PITPNM2: variants seen among roughly 807,000 people sequenced by gnomAD.
PITPNM2 encodes phosphatidylinositol transfer protein membrane associated 2.
PITPNM2 carries 35 observed loss-of-function variants against 132.2 expected under a neutral mutation model. The ratio of observed to expected loss-of-function variants is 0.26; its 90% CI spans 0.20 to 0.35. The LOEUF (loss-of-function observed/expected upper bound fraction) is 0.35. Among genes scored for constraint, PITPNM2 ranks in the 10% least tolerant of loss-of-function variants. The pLI, the probability that PITPNM2 is intolerant of heterozygous loss-of-function variation, is 1.00. For synonymous variants in PITPNM2, 738 were observed against 799.2 expected (o/e 0.92, Z 1.29); for missense variants, 1,332 against 1,912.0 (o/e 0.70, Z 5.66).
intron 2 of PITPNM2, among the ~76,000 whole-genome samples, chr12:123,061,907 G>C (rs1345531207): frequency 2.6e-5 from 4 of 152,184 alleles, no homozygotes; most frequent in Non-Finnish European, 4.4e-5. Flanking sequence ...CTGGCTGCTG[G>C]GAAGAGATGG....
chr12:123,013,184 C>T (rs2039281827), intron 4 of PITPNM2, among the ~76,000 whole-genome samples: 1 of 152,204 alleles, frequency 6.6e-6, no homozygotes, highest in African/African-American at 2.4e-5. Flanking sequence ...GAGGAAAAAG[C>T]TCCGTGGATC....
intron 1 of PITPNM2, among the ~76,000 whole-genome samples, chr12:123,112,322 G>A (rs532611028): frequency 1.3e-5 from 2 of 152,180 alleles, no homozygotes; most frequent in Admixed American, 6.5e-5. Context: ...ATGGTAAACA[G>A]TGAATCTGTC....
Position 123,004,706 on chromosome 12 carries a change from C to A in PITPNM2, c.953-217G>T. ...TCCGCCTGGCACAAGGCAGTCATGT[C>A]CCGGGGAGCATGGGTGGGGAAGAGC... On this transcript the variant is annotated intron_variant, in intron 7 of 25. Coordinates refer to ENST00000320201, the MANE Select transcript of PITPNM2 (RefSeq NM_020845.3). This position sits in a 1 kb window ranked among gnomAD's most constrained non-coding sequence, Gnocchi z 4.9. 1 of 610,422 alleles carries A rather than the reference C, an allele frequency of 1.6e-6. No individual in the cohort carries two copies. Among genetic ancestry groups the A allele is most frequent in the South Asian group, 1.9e-5 (1 of 53,292 alleles). The allele number at this position is 610,422 out of a possible 1,614,324, so 37.8% of individuals were successfully genotyped here.
chr12:123,003,210 G>A (rs559377451), intron 8 of PITPNM2, among the ~76,000 whole-genome samples: 46 of 152,264 alleles, frequency 3.0e-4, no homozygotes, highest in Admixed American at 2.7e-3. Context: ...TCCTCCTCCT[G>A]CTCCTCTGAG....
rs1242915569 is a variant in PITPNM2, at chr12:122,993,037, G to A, written c.2234-368C>T. Among the ~76,000 whole-genome samples the A allele has an allele frequency of 6.6e-6, 1 of 152,076 alleles. No individual in the cohort carries two copies. The highest frequency in any genetic ancestry group is 1.5e-5 in the Non-Finnish European group (1 of 68,004). On this transcript the variant is annotated intron_variant, in intron 15 of 25. Transcript: ENST00000320201. This position sits in a 1 kb window ranked among gnomAD's most constrained non-coding sequence, Gnocchi z 5.2. ...AGATGGGGTCTTACTATGTTATCCA[G>A]GCTGGTCTCAAACTCCTGGACTCAA...
chr12:123,150,916 G>C lies in PITPNM2; in HGVS notation c.-363C>G, dbSNP rs2043729642. Among the ~76,000 whole-genome samples, 1 of 145,782 alleles carries C rather than the reference G, an allele frequency of 6.9e-6. No homozygotes were observed. The highest frequency in any genetic ancestry group is 1.5e-5 in the Non-Finnish European group (1 of 65,626). ...GGCCCCGGGCGAGCGGCAGAGCCCC[G>C]GCGGGCATTGCTCCCGAGCGTCGCA... On this transcript the variant is annotated 5_prime_UTR_variant, in exon 1 of 26. Transcript: ENST00000320201. The surrounding 1 kb of genome is among the most constrained non-coding windows in gnomAD (Gnocchi z 6.0).
At position 123,064,626 on chromosome 12, in the gene PITPNM2, C is replaced by T. The variant is rs1006066310; in HGVS notation, c.-95-29941G>A. 1.3e-5 allele frequency among the ~76,000 whole-genome samples: 2 copies of T among 152,176 alleles called. No homozygotes were observed. Among genetic ancestry groups the T allele is most frequent in the African/African-American group, 2.4e-5 (1 of 41,448 alleles). ...TGACTGGGTCAAAAACAAAACGAGC[C>T]CAGCAACACCCCTGTGTCAACAGGG... is the stretch of plus-strand genomic sequence containing the variant. On this transcript the variant is annotated intron_variant, in intron 2 of 25. Coordinates refer to ENST00000320201, the MANE Select transcript of PITPNM2 (RefSeq NM_020845.3). The surrounding 1 kb of genome is among the most constrained non-coding windows in gnomAD (Gnocchi z 4.0).
At chr12:123,119,171 G>C (rs886592780) in intron 1 of PITPNM2, among the ~76,000 whole-genome samples, 3 of 152,142 alleles carry the variant, frequency 2.0e-5, no homozygotes, top group African/African-American at 7.2e-5. Context: ...TGATTCTGTG[G>C]CCACCTGGGG....
intron 3 of PITPNM2, among the ~76,000 whole-genome samples, chr12:123,015,242 CA>C (rs1318456281): frequency 6.6e-6 from 1 of 152,096 alleles, no homozygotes; most frequent in Non-Finnish European, 1.5e-5. Flanking sequence ...ATCTTGAAAA[CA>C]AAACAAAACC....
rs923845868 is a variant in PITPNM2 at position 122,992,106 on chromosome 12, C to T, written c.2404+393G>A. Reference sequence around the variant, plus strand: ...TGCACCCTATCTCGGGGCCAGCCGCCTGCCATGATGGGACCCAGCCGACCC... The same window carrying T: ...TGCACCCTATCTCGGGGCCAGCCGCTTGCCATGATGGGACCCAGCCGACCC... On this transcript the variant is annotated intron_variant, in intron 16 of 25. Coordinates refer to ENST00000320201, the MANE Select transcript of PITPNM2 (RefSeq NM_020845.3). This position sits in a 1 kb window ranked among gnomAD's most constrained non-coding sequence, Gnocchi z 6.5. Among the ~76,000 whole-genome samples, 2 of 152,108 alleles carry T rather than the reference C, an allele frequency of 1.3e-5. No homozygotes were observed. The highest frequency in any genetic ancestry group is 4.8e-5 in the African/African-American group (2 of 41,438).
chr12:123,027,721 T>A lies in PITPNM2; in HGVS notation c.78+6792A>T, dbSNP rs191405463. ...AGACGGGACCCCCTGTATAGCACTT[T>A]GGTGTTTCCTGAAATAGATGCTAGG... is the stretch of plus-strand genomic sequence containing the variant. On this transcript the variant is annotated intron_variant, in intron 3 of 25. Coordinates refer to ENST00000320201, the MANE Select transcript of PITPNM2 (RefSeq NM_020845.3). 9.9e-4 allele frequency among the ~76,000 whole-genome samples: 151 copies of A among 152,334 alleles called. 1 individual carries two copies. The highest frequency in any genetic ancestry group is 1.2e-3 in the Non-Finnish European group (83 of 68,034).
rs943245903 is a variant in PITPNM2 at position 123,097,335 on chromosome 12, G to A, written c.-96+13050C>T. ...TGGGATTACAGGCATGAGCCACCGC[G>A]CCCGGCCTGCCATCTCCCTTTTATT... On this transcript the variant is annotated intron_variant, in intron 2 of 25. Transcript: ENST00000320201. The surrounding 1 kb of genome is among the most constrained non-coding windows in gnomAD (Gnocchi z 4.7). Among the ~76,000 whole-genome samples, 10 of 152,180 alleles carry A rather than the reference G, an allele frequency of 6.6e-5. No individual in the cohort carries two copies. The highest frequency in any genetic ancestry group is 1.4e-4 in the African/African-American group (6 of 41,440).
intron 1 of PITPNM2, among the ~76,000 whole-genome samples, chr12:123,127,826 G>T (rs1406969097): frequency 6.6e-6 from 1 of 152,026 alleles, no homozygotes; most frequent in Non-Finnish European, 1.5e-5. Flanking sequence ...AGCCAGGATG[G>T]TATCAATCTC....
intron 2 of PITPNM2, among the ~76,000 whole-genome samples, chr12:123,067,268 C>T (rs2041454331): frequency 6.6e-6 from 1 of 152,064 alleles, no homozygotes; most frequent in Admixed American, 6.5e-5. Context: ...CCAGCATGGG[C>T]AACATGGTGA....
Position 122,993,756 on chromosome 12 carries a change from G to T in PITPNM2, c.2233+1045C>A, listed in dbSNP as rs1253198932. Among the ~76,000 whole-genome samples, 1 of 152,236 alleles carries T rather than the reference G, an allele frequency of 6.6e-6. No individual in the cohort carries two copies. The highest frequency in any genetic ancestry group is 2.4e-5 in the African/African-American group (1 of 41,454). On this transcript the variant is annotated intron_variant, in intron 15 of 25. Transcript: ENST00000320201. This position sits in a 1 kb window ranked among gnomAD's most constrained non-coding sequence, Gnocchi z 5.2. ...GGGGCACAGGGATGCCCTCCATGGGGCTGCCTTGGTTGTTGGGGTCCCCTT... is the reference window on the plus strand; with the variant it reads ...GGGGCACAGGGATGCCCTCCATGGGTCTGCCTTGGTTGTTGGGGTCCCCTT...
Position 123,005,117 on chromosome 12 carries a change from TG to T in PITPNM2, c.952+122del, listed in dbSNP as rs1449310460. The T allele has an allele frequency of 8.0e-7, 1 of 1,248,714 alleles. No individual in the cohort carries two copies. Among genetic ancestry groups the T allele is most frequent in the Non-Finnish European group, 1.1e-6 (1 of 896,548 alleles). The allele number at this position is 1,248,714 out of a possible 1,614,324, so 77.4% of individuals were successfully genotyped here. On this transcript the variant is annotated intron_variant, in intron 7 of 25. Coordinates refer to ENST00000320201, the MANE Select transcript of PITPNM2 (RefSeq NM_020845.3). This position sits in a 1 kb window ranked among gnomAD's most constrained non-coding sequence, Gnocchi z 6.2. ...ACTAGCCCAGGGCTCTGACTCCCTC[TG>T]GGCTTGGTGCCTCAATGTCCATGGG...
At chr12:123,130,641 G>A (rs1347335329) in intron 1 of PITPNM2, among the ~76,000 whole-genome samples, 4 of 152,130 alleles carry the variant, frequency 2.6e-5, no homozygotes, top group South Asian at 4.1e-4. Flanking sequence ...TTAGCCGGGC[G>A]TGGTGGCGGG....
At chr12:123,088,252 C>T (rs1327721421) in intron 2 of PITPNM2, 2 of 152,152 alleles carry the variant, frequency 1.3e-5, no homozygotes, top group Non-Finnish European at 2.9e-5. Flanking sequence ...ACATGACTTG[C>T]TTTCTAAATT....
At chr12:123,061,786 C>A (rs2041243220) in intron 2 of PITPNM2, among the ~76,000 whole-genome samples, 1 of 152,134 alleles carries the variant, frequency 6.6e-6, no homozygotes, top group African/African-American at 2.4e-5. Flanking sequence ...TAGCAGGGTC[C>A]CCAAGAACAG....
Sources: gnomAD v4.1 joint callset for allele counts (sites outside exome capture counted in the v4.1 genomes callset) on GRCh38, gnomAD v4.1.1 for gene constraint, Gnocchi (gnomAD v3.1) non-coding constraint, MANE v1.5 for transcripts, NCBI Gene and HGNC (gene_info 2026-07-23, HGNC 2026-07-21) for gene names.